Variants in FBXL17 observed in about 807,000 individuals in gnomAD.
FBXL17 encodes the protein F-box and leucine rich repeat protein 17.
FBXL17 carries 22 observed loss-of-function variants against 66.2 expected under a neutral mutation model. The ratio of observed to expected loss-of-function variants is 0.33; its 90% CI spans 0.24 to 0.47. FBXL17 has a LOEUF of 0.47. Ranked by LOEUF, FBXL17 falls within the 20% of genes least tolerant of loss-of-function variation. The pLI is 1.00. For synonymous variants in FBXL17, 474 were observed against 400.5 expected, an observed-to-expected ratio of 1.18 and a Z score of -2.19; for missense variants, 878 against 948.2, an observed-to-expected ratio of 0.93 and a Z score of 0.97.
intron 4 of FBXL17, among the ~76,000 whole-genome samples, chr5:108,344,026 T>C (rs1747080778): frequency 6.6e-6 from 1 of 152,184 alleles, no homozygotes; most frequent in African/African-American, 2.4e-5. Flanking sequence ...TTGTATCCTT[T>C]CTGCAAGGAA....
At chr5:108,228,492 C>A (rs1386902131) in intron 4 of FBXL17, among the ~76,000 whole-genome samples, 1 of 152,146 alleles carries the variant, frequency 6.6e-6, no homozygotes, top group African/African-American at 2.4e-5. Context: ...ACACTTTGTT[C>A]ATTCTATAAT....
rs151215184 is a variant in FBXL17, at chr5:108,025,680, T to TACACACAC, written c.1746-4687_1746-4680dup. Among the ~76,000 whole-genome samples, 143 of 130,142 alleles carry TACACACAC rather than the reference T, an allele frequency of 1.1e-3. 1 individual carries two copies. Among genetic ancestry groups the TACACACAC allele is most frequent in the African/African-American group, 4.2e-3 (141 of 33,314 alleles). 85.4% of individuals were successfully genotyped at this position (130,142 alleles called of 152,430 possible). A position where few individuals can be genotyped will look rare whatever the true frequency, so the allele number is the denominator to read the frequency against. On this transcript the variant is annotated intron_variant, in intron 6 of 8. Transcript: ENST00000542267. Reference sequence around the variant, plus strand: ...TAGGGGCTTAAGTAGCTACAACACATACACACACACACACACACACACAAA... The same window carrying TACACACAC: ...TAGGGGCTTAAGTAGCTACAACACATACACACACACACACACACACACACACACACAAA...
At position 108,313,316 on chromosome 5, in the gene FBXL17, G is replaced by A. The variant is rs551032749; in HGVS notation, c.1506+35083C>T. On this transcript the variant is annotated intron_variant, in intron 4 of 8. Transcript: ENST00000542267. ...AGTTACATCCAACCTTGGACACCTGGATTGGATAAACATCCTCTAGGAGCA... is the reference window on the plus strand; with the variant it reads ...AGTTACATCCAACCTTGGACACCTGAATTGGATAAACATCCTCTAGGAGCA... 8.5e-5 allele frequency among the ~76,000 whole-genome samples: 13 copies of A among 152,156 alleles called. No individual in the cohort carries two copies. The South Asian group carries it at 2.3e-3, about 27-fold the overall frequency.
At chr5:108,003,638 A>G (rs1308715886) in intron 7 of FBXL17, among the ~76,000 whole-genome samples, 1 of 152,238 alleles carries the variant, frequency 6.6e-6, no homozygotes, top group African/African-American at 2.4e-5. Flanking sequence ...TATAAAAAAG[A>G]CAAAGCAGAT....
At chr5:108,340,200 G>T (rs1037166211) in intron 4 of FBXL17, among the ~76,000 whole-genome samples, 1 of 150,688 alleles carries the variant, frequency 6.6e-6, no homozygotes, top group East Asian at 2.0e-4. Context: ...ATCTAGCAAA[G>T]AATTTAGAAT....
intron 4 of FBXL17, among the ~76,000 whole-genome samples, chr5:108,244,055 C>T (rs897726797): frequency 1.3e-5 from 2 of 152,070 alleles, no homozygotes; most frequent in African/African-American, 4.8e-5. Flanking sequence ...CTTTTCCTAC[C>T]TATGTAACTT....
chr5:108,298,427 A>C, intron 4 of FBXL17: 1 of 976,428 alleles, frequency 1.0e-6, no homozygotes, highest in Non-Finnish European at 1.2e-6. Context: ...CATAGATTTA[A>C]ACTAAAATCT....
chr5:108,357,145 T>C (rs1748051580), intron 3 of FBXL17, among the ~76,000 whole-genome samples: 1 of 151,998 alleles, frequency 6.6e-6, no homozygotes, highest in African/African-American at 2.4e-5. Flanking sequence ...CCTTCAGAAA[T>C]GTTTAAGAAG....
intron 6 of FBXL17, among the ~76,000 whole-genome samples, chr5:108,134,535 C>G (rs1405081922): frequency 6.6e-6 from 1 of 152,128 alleles, no homozygotes; most frequent in African/African-American, 2.4e-5. Flanking sequence ...TGAACTGCAG[C>G]AACTCTTTCT....
chr5:108,201,223 C>T (rs1427676155), intron 5 of FBXL17, among the ~76,000 whole-genome samples: 3 of 152,186 alleles, frequency 2.0e-5, no homozygotes, highest in Admixed American at 6.5e-5. Context: ...TCAGTATAGA[C>T]TTCACACAAC....
intron 6 of FBXL17, among the ~76,000 whole-genome samples, chr5:108,031,948 G>T (rs1052451311): frequency 1.3e-5 from 2 of 152,042 alleles, no homozygotes; most frequent in Non-Finnish European, 2.9e-5. Flanking sequence ...TACCTCCAAG[G>T]ATTTTGTGAA....
chr5:108,068,349 A>C (rs1257927114), intron 6 of FBXL17, among the ~76,000 whole-genome samples: 2 of 152,150 alleles, frequency 1.3e-5, no homozygotes, highest in Non-Finnish European at 2.9e-5. Context: ...AACCATCATC[A>C]AAAACTTTGA....
intron 7 of FBXL17, among the ~76,000 whole-genome samples, chr5:107,977,214 A>AT (rs1174951914): frequency 1.3e-5 from 2 of 151,990 alleles, no homozygotes; most frequent in Non-Finnish European, 2.9e-5. Context: ...ACATGTTCCA[A>AT]TTTTTTTTAA....
At chr5:107,969,445 A>T (rs534036492) in intron 7 of FBXL17, among the ~76,000 whole-genome samples, 1 of 152,252 alleles carries the variant, frequency 6.6e-6, no homozygotes, top group Non-Finnish European at 1.5e-5. Flanking sequence ...ACCCATTTAT[A>T]TAGAACACCC....
chr5:107,892,530 C>T (rs1216069462), intron 7 of FBXL17, among the ~76,000 whole-genome samples: 1 of 152,130 alleles, frequency 6.6e-6, no homozygotes, highest in Non-Finnish European at 1.5e-5. Flanking sequence ...AAGGCTTCTA[C>T]TGAATAGATC....
chr5:108,149,709 T>G (rs535181275), intron 6 of FBXL17, among the ~76,000 whole-genome samples: 1 of 152,336 alleles, frequency 6.6e-6, no homozygotes, highest in African/African-American at 2.4e-5. Context: ...ATTAAGTTAA[T>G]TATCCATTAA....
At chr5:108,090,776 A>G (rs1749158539) in intron 6 of FBXL17, among the ~76,000 whole-genome samples, 2 of 152,122 alleles carry the variant, frequency 1.3e-5, no homozygotes, top group African/African-American at 4.8e-5. Flanking sequence ...GATTTGGCCA[A>G]TGGACTAGGT....
intron 7 of FBXL17, among the ~76,000 whole-genome samples, chr5:107,905,338 A>G (rs1032506367): frequency 5.3e-5 from 8 of 152,124 alleles, no homozygotes; most frequent in African/African-American, 1.9e-4. Context: ...TATCTGATGT[A>G]TTTCTAAAAA....
At position 108,155,193 on chromosome 5, in the gene FBXL17, C is replaced by T. The variant is rs372469736; in HGVS notation, c.1745+30924G>A. 2.4e-4 allele frequency among the ~76,000 whole-genome samples: 36 copies of T among 152,176 alleles called. No individual in the cohort carries two copies. In the South Asian group the frequency reaches 7.2e-3, roughly 31 times the overall value. On this transcript the variant is annotated intron_variant, in intron 6 of 8. Transcript: ENST00000542267. Reference sequence around the variant, plus strand: ...TTATAATACATACAGCAGGTTCTTACAGCTGTTTGTGGTTTCCGATGAGAG... The same window carrying T: ...TTATAATACATACAGCAGGTTCTTATAGCTGTTTGTGGTTTCCGATGAGAG...
Sources: gnomAD v4.1 joint callset for allele counts (sites outside exome capture counted in the v4.1 genomes callset) on GRCh38, gnomAD v4.1.1 for gene constraint, MANE v1.5 for transcripts, NCBI Gene and HGNC (gene_info 2026-07-23, HGNC 2026-07-21) for gene names.